SOX5: variants seen among roughly 807,000 people sequenced by gnomAD.
The protein encoded by SOX5 is SRY-box transcription factor 5.
A neutral mutation model predicts 92.0 loss-of-function variants in SOX5; 9 were observed. The observed-to-expected ratio is 0.10, with a 90% CI of 0.06 to 0.17. SOX5 has a LOEUF of 0.17. Among genes scored for constraint, SOX5 ranks in the 10% least tolerant of loss-of-function variants. The pLI is 1.00. For synonymous variants in SOX5, 344 were observed against 336.3 expected, an observed-to-expected ratio of 1.02 and a Z score of -0.25; for missense variants, 642 against 944.5, an observed-to-expected ratio of 0.68 and a Z score of 4.20.
At position 24,170,834 on chromosome 12, in the gene SOX5, C is replaced by T. The variant is rs74651970; in HGVS notation, c.-2+42509G>A. 5.1e-3 allele frequency among the ~76,000 whole-genome samples: 773 copies of T among 152,284 alleles called. 11 individuals are homozygous for T. The highest frequency in any genetic ancestry group is 0.018 in the African/African-American group (732 of 41,540). ...TATTGCGGTGCCACTAATGAGACGC[C>T]TTGGCCAAGCCACTGCTGCACCTAC... On this transcript the variant is annotated intron_variant, in intron 4 of 4. Coordinates refer to the SOX5 transcript ENST00000446891.
upstream of SOX5, among the ~76,000 whole-genome samples, chr12:23,952,062 G>T (rs929972279): frequency 1.3e-5 from 2 of 152,164 alleles, no homozygotes; most frequent in African/African-American, 4.8e-5. Flanking sequence ...TATAGTAGCT[G>T]CATAGCTATA....
chr12:23,665,355 T>G lies in SOX5; in HGVS notation c.931+89A>C, dbSNP rs113657397. ...AAATAAAAATGCTATATGGGTGATC[T>G]CATTTCTTGGTGTGGCAGGAATATT... is the stretch of plus-strand genomic sequence containing the variant. On this transcript the variant is annotated intron_variant, in intron 7 of 14. Coordinates refer to ENST00000451604, the MANE Select transcript of SOX5 (RefSeq NM_006940.6). 3,851 of 1,399,032 alleles carry G rather than the reference T, an allele frequency of 2.8e-3. 77 individuals carry two copies. In the African/African-American group the frequency reaches 0.049, roughly 18 times the overall value. The allele number at this position is 1,399,032 out of a possible 1,614,324, so 86.7% of individuals were successfully genotyped here. A position where few individuals can be genotyped will look rare whatever the true frequency, so the allele number is the denominator to read the frequency against.
intron 2 of SOX5, among the ~76,000 whole-genome samples, chr12:23,870,707 T>A (rs1256687645): frequency 1.3e-5 from 2 of 152,136 alleles, no homozygotes; most frequent in Admixed American, 6.6e-5. Flanking sequence ...TATTTGCACA[T>A]AAAAACAAAT....
chr12:24,420,239 A>T (rs1380809218), intron 1 of SOX5, among the ~76,000 whole-genome samples: 1 of 152,232 alleles, frequency 6.6e-6, no homozygotes. Flanking sequence ...AGACAAAACC[A>T]CTGACAATGA....
intron 1 of SOX5, among the ~76,000 whole-genome samples, chr12:24,376,680 G>A (rs1247776156): frequency 7.3e-6 from 1 of 137,388 alleles, no homozygotes; most frequent in Non-Finnish European, 1.5e-5. Context: ...TGATGCTATG[G>A]GAGAGATACC....
At chr12:24,178,078 A>G (rs190999603) in intron 4 of SOX5, among the ~76,000 whole-genome samples, 5 of 152,302 alleles carry the variant, frequency 3.3e-5, no homozygotes, top group Admixed American at 6.5e-5. Flanking sequence ...ATTCACAGTC[A>G]TCAGTCAACA....
chr12:24,140,217 C>A (rs1393750119), intron 4 of SOX5, among the ~76,000 whole-genome samples: 2 of 151,864 alleles, frequency 1.3e-5, no homozygotes, highest in Admixed American at 1.3e-4. Flanking sequence ...CATACATACA[C>A]CGTCAAAGAT....
intron 4 of SOX5, among the ~76,000 whole-genome samples, chr12:24,181,809 G>A (rs578147449): frequency 6.6e-6 from 1 of 152,142 alleles, no homozygotes; most frequent in Non-Finnish European, 1.5e-5. Context: ...AAGGATAGCT[G>A]AAATTTCAGT....
chr12:24,530,380 T>G (rs1048527841), intron 1 of SOX5, among the ~76,000 whole-genome samples: 1 of 152,200 alleles, frequency 6.6e-6, no homozygotes, highest in African/African-American at 2.4e-5. Context: ...ATGAAAAAAC[T>G]GGGTTGGGAT....
rs546394738 is a variant in SOX5, at chr12:24,046,626, A to G, written c.-1-150602T>C. Reference sequence around the variant, plus strand: ...GAAAAAGTAAAACAAAAGACATGCTACCTAGCCTCAGAACTTGTAGCTATA... The same window carrying G: ...GAAAAAGTAAAACAAAAGACATGCTGCCTAGCCTCAGAACTTGTAGCTATA... On this transcript the variant is annotated intron_variant, in intron 4 of 4. Coordinates refer to the SOX5 transcript ENST00000446891. Among the ~76,000 whole-genome samples the G allele has an allele frequency of 1.3e-4, 19 of 151,782 alleles. No homozygotes were observed. In the South Asian group the frequency reaches 3.8e-3, roughly 30 times the overall value.
At position 23,664,763 on chromosome 12, in the gene SOX5, C is replaced by A. The variant is rs1454446658; in HGVS notation, c.931+681G>T. ...TTGCTTATGTATTCATTCATTAATT[C>A]ATTCATTCAAAAACGTTGAATGGTG... On this transcript the variant is annotated intron_variant, in intron 7 of 14. Transcript: ENST00000451604. 2.0e-5 allele frequency among the ~76,000 whole-genome samples: 3 copies of A among 152,110 alleles called. No homozygotes were observed. In the South Asian group the frequency reaches 6.2e-4, roughly 32 times the overall value.
rs1045253065 is a variant in SOX5, at chr12:23,926,668, A to G, written c.38+22896T>C. 5.3e-5 allele frequency among the ~76,000 whole-genome samples: 8 copies of G among 152,092 alleles called. No homozygotes were observed. The East Asian group carries it at 9.6e-4, about 18-fold the overall frequency. On this transcript the variant is annotated intron_variant, in intron 1 of 14. Coordinates refer to ENST00000451604, the MANE Select transcript of SOX5 (RefSeq NM_006940.6). ...TTTCTTTGTTTTAAAGAACTGACAC[A>G]TACATTTTTGTCCTACAAAATAAAG...
At position 23,532,436 on chromosome 12, in the gene SOX5, T is replaced by C. The variant is rs1184029929; in HGVS notation, c.*1783A>G. 1.3e-5 allele frequency: 2 copies of C among 151,842 alleles called. No homozygotes were observed. Among genetic ancestry groups the C allele is most frequent in the Non-Finnish European group, 2.9e-5 (2 of 67,822 alleles). 9.4% of individuals were successfully genotyped at this position (151,842 alleles called of 1,614,324 possible). On this transcript the variant is annotated 3_prime_UTR_variant, in exon 15 of 15. Coordinates refer to ENST00000451604, the MANE Select transcript of SOX5 (RefSeq NM_006940.6). ...GTTGCAGTATTTACTATCTATCTGA[T>C]ACTTCAATACAAATAATGGCAATTG...
At chr12:23,705,048 G>A (rs1006946386) in intron 6 of SOX5, among the ~76,000 whole-genome samples, 6 of 151,662 alleles carry the variant, frequency 4.0e-5, no homozygotes, top group Non-Finnish European at 8.8e-5. Context: ...CAAATATGAG[G>A]CAGAAACACT....
chr12:23,570,660 C>T (rs1948014420), intron 10 of SOX5, among the ~76,000 whole-genome samples: 2 of 151,568 alleles, frequency 1.3e-5, no homozygotes, highest in African/African-American at 4.9e-5. Context: ...CCTGTAATCC[C>T]AGCACTTTGG....
intron 4 of SOX5, among the ~76,000 whole-genome samples, chr12:24,053,415 C>T (rs1260824218): frequency 6.6e-6 from 1 of 152,096 alleles, no homozygotes; most frequent in African/African-American, 2.4e-5. Context: ...TAGGCATGAG[C>T]TACCGCGCCT....
At chr12:24,199,948 A>C (rs1957356432) in intron 4 of SOX5, among the ~76,000 whole-genome samples, 1 of 152,202 alleles carries the variant, frequency 6.6e-6, no homozygotes, top group Non-Finnish European at 1.5e-5. Context: ...AAGAAAAAAA[A>C]AATCAGTAGA....
At chr12:24,271,464 G>A (rs567546443) in intron 3 of SOX5, among the ~76,000 whole-genome samples, 1 of 152,110 alleles carries the variant, frequency 6.6e-6, no homozygotes, top group Non-Finnish European at 1.5e-5. Context: ...TATTACTCTA[G>A]GTCCTGTTTT....
chr12:24,196,287 T>C (rs775551155), intron 4 of SOX5, among the ~76,000 whole-genome samples: 1 of 152,196 alleles, frequency 6.6e-6, no homozygotes, highest in Non-Finnish European at 1.5e-5. Flanking sequence ...CGGTTTGTAA[T>C]TAAAAAATCA....
Sources: allele counts gnomAD v4.1 joint callset (sites outside exome capture counted in the v4.1 genomes callset), GRCh38; gene constraint gnomAD v4.1.1; transcripts MANE v1.5; gene names NCBI Gene and HGNC (gene_info 2026-07-23, HGNC 2026-07-21).